Variants in GABRG3 observed in about 807,000 individuals in gnomAD.
GABRG3 encodes the protein gamma-aminobutyric acid type A receptor subunit gamma3.
Under a neutral mutation model 48.8 loss-of-function variants are expected in GABRG3, and 25 were observed. That is an observed-to-expected ratio of 0.51 (90% CI 0.37 to 0.72). The LOEUF (loss-of-function observed/expected upper bound fraction) is 0.72, where lower values mean the gene tolerates loss of function less well. GABRG3 is among the 30% of genes least tolerant of loss of function. GABRG3 has a pLI of 0.00. For missense variants in GABRG3, 394 were observed against 577.9 expected, an observed-to-expected ratio of 0.68 and a Z score of 3.26; for synonymous variants, 227 against 217.6, an observed-to-expected ratio of 1.04 and a Z score of -0.38.
Position 27,253,054 on chromosome 15 carries a change from C to T in GABRG3, c.271-73755C>T, listed in dbSNP as rs576146608. On this transcript the variant is annotated intron_variant, in intron 3 of 9. Transcript: ENST00000615808. ...CTGCGCCTTGCACGTTTAGACACCA[C>T]GCCGAATCGATGCTGCCTATGGCAG... is the stretch of plus-strand genomic sequence containing the variant. 2.6e-4 allele frequency among the ~76,000 whole-genome samples: 39 copies of T among 152,298 alleles called. 1 individual carries two copies. In the Middle Eastern group the frequency reaches 0.01, roughly 40 times the overall value.
chr15:27,359,067 G>C (rs1894937990), intron 5 of GABRG3, among the ~76,000 whole-genome samples: 1 of 152,230 alleles, frequency 6.6e-6, no homozygotes, highest in East Asian at 1.9e-4. Context: ...ACAAGTTTTG[G>C]GGGTGAAGCT....
chr15:27,132,847 G>A (rs1339659926), intron 3 of GABRG3, among the ~76,000 whole-genome samples: 1 of 151,108 alleles, frequency 6.6e-6, no homozygotes, highest in Non-Finnish European at 1.5e-5. Flanking sequence ...TAGCTTTGGG[G>A]TTAGTTCATT....
intron 3 of GABRG3, among the ~76,000 whole-genome samples, chr15:27,050,039 A>G (rs1896430809): frequency 6.6e-6 from 1 of 152,212 alleles, no homozygotes; most frequent in Non-Finnish European, 1.5e-5. Context: ...GGGCCTTTCC[A>G]AAAGCAGAGA....
intron 5 of GABRG3, among the ~76,000 whole-genome samples, chr15:27,393,138 G>A (rs1422112642): frequency 6.6e-6 from 1 of 152,092 alleles, no homozygotes; most frequent in Non-Finnish European, 1.5e-5. Context: ...GAGGTCAGGA[G>A]ATTGAGACCA....
intron 3 of GABRG3, among the ~76,000 whole-genome samples, chr15:27,137,134 C>T (rs1898023133): frequency 2.0e-5 from 3 of 152,182 alleles, no homozygotes; most frequent in African/African-American, 7.2e-5. Context: ...CCCTGCTTGC[C>T]GTCCTCAAGA....
In GABRG3 at chr15:27,416,770, G is replaced by A. The variant is rs1032029291; in HGVS notation, c.575-63880G>A. Among the ~76,000 whole-genome samples, 7 of 152,118 alleles carry A rather than the reference G, an allele frequency of 4.6e-5. No individual in the cohort carries two copies. In the South Asian group the frequency reaches 1.5e-3, roughly 32 times the overall value. On this transcript the variant is annotated intron_variant, in intron 5 of 9. Transcript: ENST00000615808. ...TAAATTGCGGTTCTTCCTATGTGCC[G>A]ATCAGCCTGTCCATTTCAGGGATGG... is the stretch of plus-strand genomic sequence containing the variant.
At chr15:27,497,344 G>A (rs1890511158) in intron 6 of GABRG3, among the ~76,000 whole-genome samples, 2 of 152,160 alleles carry the variant, frequency 1.3e-5, no homozygotes, top group African/African-American at 4.8e-5. Context: ...CACGGGTGCT[G>A]TATTCCAGAA....
intron 5 of GABRG3, among the ~76,000 whole-genome samples, chr15:27,348,075 G>A (rs757531496): frequency 2.9e-4 from 44 of 150,958 alleles, no homozygotes; most frequent in Admixed American, 7.3e-4. Flanking sequence ...AAGAGCTGGG[G>A]ATTTCTGGAG....
At chr15:27,442,953 A>C (rs1888835381) in intron 5 of GABRG3, among the ~76,000 whole-genome samples, 1 of 152,210 alleles carries the variant, frequency 6.6e-6, no homozygotes, top group South Asian at 2.1e-4. Flanking sequence ...GAGCGGGGAC[A>C]GGGCCCTTTA....
chr15:27,263,526 G>A (rs1209094637), intron 3 of GABRG3, among the ~76,000 whole-genome samples: 4 of 152,068 alleles, frequency 2.6e-5, no homozygotes, highest in East Asian at 1.9e-4. Context: ...AGATAGGAGC[G>A]TCCGATGCAC....
intron 5 of GABRG3, among the ~76,000 whole-genome samples, chr15:27,440,079 A>G (rs1439045340): frequency 2.6e-5 from 4 of 152,130 alleles, no homozygotes; most frequent in Non-Finnish European, 5.9e-5. Context: ...CATCCTGGGC[A>G]TCTGCACACA....
In GABRG3 at chr15:27,375,665, A is replaced by T. The variant is rs562540892; in HGVS notation, c.574+46777A>T. Among the ~76,000 whole-genome samples the T allele has an allele frequency of 2.0e-5, 3 of 152,096 alleles. No individual in the cohort carries two copies. The South Asian group carries it at 6.2e-4, about 32-fold the overall frequency. ...AAGAGAAGACAGCTTGTGCAGGGAG[A>T]CTCCCATTTTTAAAACCATCAGGTC... is the stretch of plus-strand genomic sequence containing the variant. On this transcript the variant is annotated intron_variant, in intron 5 of 9. Coordinates refer to ENST00000615808, the MANE Select transcript of GABRG3 (RefSeq NM_033223.5).
chr15:26,990,876 C>T (rs1194794727), intron 2 of GABRG3, among the ~76,000 whole-genome samples: 1 of 150,172 alleles, frequency 6.7e-6, no homozygotes, highest in East Asian at 2.0e-4. Context: ...GCAATCTCGG[C>T]TCATTGAAAC....
At chr15:27,530,205 C>A (rs1185809443) in intron 9 of GABRG3, among the ~76,000 whole-genome samples, 2 of 152,162 alleles carry the variant, frequency 1.3e-5, no homozygotes, top group Non-Finnish European at 2.9e-5. Flanking sequence ...GCTCTGTGCC[C>A]CTTTCCTAAC....
chr15:27,422,526 T>G (rs997721237), intron 5 of GABRG3: 1 of 152,250 alleles, frequency 6.6e-6, no homozygotes, highest in Non-Finnish European at 1.5e-5. Flanking sequence ...CTGAGTACTC[T>G]AAGACATCCA....
chr15:27,258,012 A>G (rs1890672006), intron 3 of GABRG3, among the ~76,000 whole-genome samples: 1 of 152,102 alleles, frequency 6.6e-6, no homozygotes, highest in African/African-American at 2.4e-5. Flanking sequence ...GGAAAATGCT[A>G]TTTATATTTA....
intron 6 of GABRG3, among the ~76,000 whole-genome samples, chr15:27,508,970 T>C (rs184658326): frequency 0.027 from 4,068 of 152,162 alleles, 174 homozygotes; most frequent in African/African-American, 0.094. Context: ...CCGCCCGCCT[T>C]GGCCTCCTAA....
chr15:27,273,697 A>T lies in GABRG3; in HGVS notation c.271-53112A>T, dbSNP rs544355176. ...TCTGCCTAGTCAGCTGCTGTATATCAGTGCCTGGTGCAGTGCCTGGTTCAT... is the reference window on the plus strand; with the variant it reads ...TCTGCCTAGTCAGCTGCTGTATATCTGTGCCTGGTGCAGTGCCTGGTTCAT... On this transcript the variant is annotated intron_variant, in intron 3 of 9. Transcript: ENST00000615808. Among the ~76,000 whole-genome samples, 11 of 152,352 alleles carry T rather than the reference A, an allele frequency of 7.2e-5. No homozygotes were observed. The South Asian group carries it at 2.3e-3, about 32-fold the overall frequency.
At chr15:27,036,417 G>T (rs1896178903) in intron 3 of GABRG3, among the ~76,000 whole-genome samples, 1 of 152,212 alleles carries the variant, frequency 6.6e-6, no homozygotes. Flanking sequence ...TGCCGGCCGG[G>T]CGCGGTGGCT....
Sources: gnomAD v4.1 joint callset for allele counts (sites outside exome capture counted in the v4.1 genomes callset) on GRCh38, gnomAD v4.1.1 for gene constraint, MANE v1.5 for transcripts, NCBI Gene and HGNC (gene_info 2026-07-23, HGNC 2026-07-21) for gene names.